The following ZPBP variants were observed in gnomAD, a reference collection of about 807,000 sequenced individuals.
ZPBP encodes zona pellucida binding protein.
Under a neutral mutation model 44.8 loss-of-function variants are expected in ZPBP, and 26 were observed. The ratio of observed to expected loss-of-function variants is 0.58; its 90% CI spans 0.43 to 0.81. The LOEUF (loss-of-function observed/expected upper bound fraction) is 0.81. ZPBP is among the 30% of genes least tolerant of loss of function. ZPBP has a pLI of 0.00. For synonymous variants in ZPBP, 174 were observed against 153.2 expected, an observed-to-expected ratio of 1.14 and a Z score of -1.00; for missense variants, 409 against 434.0, an observed-to-expected ratio of 0.94 and a Z score of 0.51.
At chr7:49,990,400 G>A (rs888694176) in intron 6 of ZPBP, among the ~76,000 whole-genome samples, 4 of 152,124 alleles carry the variant, frequency 2.6e-5, no homozygotes, top group Non-Finnish European at 4.4e-5. Flanking sequence ...ATACAAGGAC[G>A]GATGAAAGAA....
downstream of ZPBP, among the ~76,000 whole-genome samples, chr7:49,935,471 T>C (rs1473644498): frequency 6.6e-6 from 1 of 152,146 alleles, no homozygotes; most frequent in African/African-American, 2.4e-5. Flanking sequence ...TGATCTCAGC[T>C]CACTGCACAC....
At chr7:49,886,680 T>C (rs1254531598) in intron 2 of ZPBP, among the ~76,000 whole-genome samples, 1 of 152,182 alleles carries the variant, frequency 6.6e-6, no homozygotes, top group Non-Finnish European at 1.5e-5. Flanking sequence ...AGGGGTTTGT[T>C]GTACAGATTA....
chr7:49,974,184 T>C (rs1440693887), intron 7 of ZPBP, among the ~76,000 whole-genome samples: 2 of 152,102 alleles, frequency 1.3e-5, no homozygotes, highest in African/African-American at 2.4e-5. Context: ...TTTTTGATAG[T>C]CATACAAAAA....
At chr7:50,073,998 C>G (rs573826262) in intron 3 of ZPBP, among the ~76,000 whole-genome samples, 1 of 152,070 alleles carries the variant, frequency 6.6e-6, no homozygotes, top group East Asian at 1.9e-4. Flanking sequence ...CAGAAAAACA[C>G]AGAATATTAC....
At chr7:49,852,099 G>T (rs1380123202) in intron 2 of ZPBP, among the ~76,000 whole-genome samples, 2 of 152,216 alleles carry the variant, frequency 1.3e-5, no homozygotes, top group African/African-American at 4.8e-5. Flanking sequence ...AGGCCAGCAG[G>T]CACCAGTACC....
intron 2 of ZPBP, among the ~76,000 whole-genome samples, chr7:49,897,544 A>G (rs766004763): frequency 1.8e-4 from 27 of 152,168 alleles, no homozygotes; most frequent in Non-Finnish European, 3.7e-4. Context: ...GGAAGTTGCA[A>G]CTCTATCCTA....
intron 7 of ZPBP, chr7:49,942,179 A>T (rs760114008): frequency 2.3e-4 from 35 of 150,148 alleles, no homozygotes; most frequent in Non-Finnish European, 1.3e-4. Flanking sequence ...AAGCTTCAGG[A>T]TACTGCATTT....
intron 2 of ZPBP, among the ~76,000 whole-genome samples, chr7:49,880,984 A>G (rs544740827): frequency 6.6e-6 from 1 of 152,260 alleles, no homozygotes; most frequent in South Asian, 2.1e-4. Context: ...TAAGCTTTCA[A>G]TCCATCCTTT....
At chr7:49,854,270 G>A (rs1484495818) in intron 2 of ZPBP, among the ~76,000 whole-genome samples, 3 of 152,142 alleles carry the variant, frequency 2.0e-5, no homozygotes, top group Admixed American at 6.5e-5. Flanking sequence ...TCTAGTTTGA[G>A]ATCCTTGAGG....
chr7:49,852,355 C>A (rs475180), intron 2 of ZPBP, among the ~76,000 whole-genome samples: 8,024 of 152,214 alleles, frequency 0.053, 693 homozygotes, highest in African/African-American at 0.18. Context: ...AAAGAAGAGG[C>A]CTGGCAGGCA....
chr7:49,982,312 T>TAC (rs1288493298), intron 7 of ZPBP, among the ~76,000 whole-genome samples: 1 of 112,728 alleles, frequency 8.9e-6, no homozygotes, highest in African/African-American at 3.7e-5. Context: ...TATATAATTA[T>TAC]ATAATATATA....
intron 2 of ZPBP, among the ~76,000 whole-genome samples, chr7:49,869,416 G>A (rs981668851): frequency 6.6e-6 from 1 of 152,072 alleles, no homozygotes; most frequent in African/African-American, 2.4e-5. Context: ...ACAAAGCAAC[G>A]ATTTTAACAA....
Position 50,092,770 on chromosome 7 carries a change from G to A in ZPBP, c.127+298C>T, listed in dbSNP as rs1803057986. 1.1e-5 allele frequency: 3 copies of A among 277,496 alleles called. No homozygotes were observed. In the East Asian group the frequency reaches 2.6e-4, roughly 24 times the overall value. The allele number at this position is 277,496 out of a possible 1,614,324, so 17.2% of individuals were successfully genotyped here. On this transcript the variant is annotated intron_variant, in intron 1 of 7. Coordinates refer to ENST00000046087, the MANE Select transcript of ZPBP (RefSeq NM_007009.3). ...GTTCACACACTGAAATGCAAACCTG[G>A]CAGATGACCCATGGACTGAATTGGG...
At chr7:49,917,526 C>T (rs942808489) in intron 1 of ZPBP, 4 of 152,068 alleles carry the variant, frequency 2.6e-5, no homozygotes, top group African/African-American at 9.7e-5. Flanking sequence ...TCTGGCTGAC[C>T]TATTATATAG....
intron 4 of ZPBP, among the ~76,000 whole-genome samples, chr7:50,046,660 G>A (rs567394514): frequency 6.6e-6 from 1 of 152,304 alleles, no homozygotes; most frequent in South Asian, 2.1e-4. Flanking sequence ...TGCTGGAGAG[G>A]ATATGGAGAA....
intron 2 of ZPBP, among the ~76,000 whole-genome samples, chr7:49,856,784 C>G (rs748687463): frequency 2.5e-4 from 38 of 151,974 alleles, no homozygotes; most frequent in African/African-American, 8.9e-4. Context: ...CCGAGGTGGG[C>G]GGATCACGAG....
At chr7:50,049,878 C>T (rs543737484) in intron 4 of ZPBP, among the ~76,000 whole-genome samples, 1 of 151,830 alleles carries the variant, frequency 6.6e-6, no homozygotes, top group Admixed American at 6.6e-5. Context: ...GTCAACATGC[C>T]ATAAATGTCT....
At chr7:49,859,856 A>C (rs142436482) in intron 2 of ZPBP, among the ~76,000 whole-genome samples, 2 of 152,292 alleles carry the variant, frequency 1.3e-5, no homozygotes, top group Non-Finnish European at 2.9e-5. Context: ...TCACAATTGC[A>C]TTGATGTTTA....
chr7:49,864,681 G>C (rs769320555), intron 2 of ZPBP, among the ~76,000 whole-genome samples: 1 of 152,202 alleles, frequency 6.6e-6, no homozygotes, highest in African/African-American at 2.4e-5. Flanking sequence ...TGCATCTTCT[G>C]TTGGTCTTTC....
Sources: gnomAD v4.1 joint callset for allele counts (sites outside exome capture counted in the v4.1 genomes callset) on GRCh38, gnomAD v4.1.1 for gene constraint, MANE v1.5 for transcripts, NCBI Gene and HGNC (gene_info 2026-07-23, HGNC 2026-07-21) for gene names.